Variants in RBM39 observed in about 807,000 individuals in gnomAD.
RBM39 encodes the protein RNA binding motif protein 39, also known as RNA-binding protein 39.
In RBM39, 12 loss-of-function variants were observed where a neutral mutation model predicts 79.6. The ratio of observed to expected loss-of-function variants is 0.15; its 90% CI spans 0.10 to 0.24. RBM39 has a LOEUF of 0.24. Ranked by LOEUF, RBM39 falls within the 10% of genes least tolerant of loss-of-function variation. The probability of loss-of-function intolerance (pLI) is 1.00; values close to 1 mark genes in which losing one functional copy is unlikely to be tolerated. For missense variants in RBM39, 243 were observed against 653.4 expected, an observed-to-expected ratio of 0.37 and a Z score of 6.85; for synonymous variants, 185 against 208.4, an observed-to-expected ratio of 0.89 and a Z score of 0.97.
chr20:35,709,478 C>CT (rs1218766582), intron 12 of RBM39, among the ~76,000 whole-genome samples: 26 of 152,142 alleles, frequency 1.7e-4, no homozygotes, highest in Admixed American at 1.7e-3. Context: ...ACTTTTCCCT[C>CT]TCTCTTCCTA....
chr20:35,721,681 T>C, intron 9 of RBM39, 59 bp downstream of exon 9: 2 of 1,544,164 alleles, frequency 1.3e-6, no homozygotes, highest in Non-Finnish European at 1.8e-6. Context: ...ATACAGAAAT[T>C]ATGTAGTTAT....
In RBM39 at chr20:35,702,792, G is replaced by GCGCAC. The variant is rs2035345914; in HGVS notation, c.*1684_*1688dup. ...ACAAAAATTAGCTGGGCACGGTGGT[G>GCGCAC]CGCACCTGTCCCAGCTCTTCAGGAG... On this transcript the variant is annotated 3_prime_UTR_variant, in exon 17 of 17. Coordinates refer to ENST00000253363, the MANE Select transcript of RBM39 (RefSeq NM_184234.3). The GCGCAC allele has an allele frequency of 6.6e-6, 1 of 152,148 alleles. No homozygotes were observed. The highest frequency in any genetic ancestry group is 2.1e-4 in the South Asian group (1 of 4,824). 9.4% of individuals were successfully genotyped at this position (152,148 alleles called of 1,614,324 possible). A position where few individuals can be genotyped will look rare whatever the true frequency, so the allele number is the denominator to read the frequency against.
At chr20:35,734,940 C>T in intron 3 of RBM39, 2 of 1,593,296 alleles carry the variant, frequency 1.3e-6, no homozygotes, top group Non-Finnish European at 1.7e-6. Flanking sequence ...AAATTTTGTA[C>T]TGAACATCAC....
chr20:35,721,690 A>G, intron 9 of RBM39, 50 bp downstream of exon 9: 1 of 1,589,596 alleles, frequency 6.3e-7, no homozygotes, highest in South Asian at 1.1e-5. Context: ...TTATGTAGTT[A>G]TACTCAGATC....
chr20:35,740,914 G>C, intron 1 of RBM39, 27 bp from the exon 2 acceptor site: 1 of 1,524,572 alleles, frequency 6.6e-7, no homozygotes, highest in Non-Finnish European at 9.0e-7. Context: ...ACAATTTCTT[G>C]AGTAAACATT....
chr20:35,728,844 A>G (rs1448261911), intron 6 of RBM39, among the ~76,000 whole-genome samples: 6 of 152,054 alleles, frequency 3.9e-5, no homozygotes, highest in African/African-American at 1.4e-4. Context: ...TTGAGAGGCC[A>G]AGGTGGGTGG....
At chr20:35,732,328 C>G (rs550704954) in intron 3 of RBM39, 193 bp from the exon 4 acceptor site, 43 of 595,300 alleles carry the variant, frequency 7.2e-5, no homozygotes, top group African/African-American at 6.9e-4. Flanking sequence ...TAGGCCGAGG[C>G]AGGCAGATCA....
intron 3 of RBM39, among the ~76,000 whole-genome samples, chr20:35,735,830 T>C (rs973722020): frequency 1.1e-4 from 16 of 152,228 alleles, no homozygotes; most frequent in South Asian, 2.1e-4. Flanking sequence ...GACAATCTCA[T>C]GGTTAAAGAA....
chr20:35,739,980 A>G (rs986186448), intron 2 of RBM39: 2 of 157,374 alleles, frequency 1.3e-5, no homozygotes, highest in African/African-American at 4.8e-5. Context: ...CCAACTGGTG[A>G]AACAATGAAA....
intron 8 of RBM39, among the ~76,000 whole-genome samples, chr20:35,722,370 G>A (rs1250505850): frequency 6.8e-6 from 1 of 148,110 alleles, no homozygotes. Flanking sequence ...TCACACCACT[G>A]CACTCCAGCC....
At chr20:35,716,375 C>T (rs964805936) in intron 10 of RBM39, among the ~76,000 whole-genome samples, 1 of 152,044 alleles carries the variant, frequency 6.6e-6, no homozygotes, top group African/African-American at 2.4e-5. Flanking sequence ...CGCCCGGCCA[C>T]AAAAACTAAT....
At chr20:35,727,944 G>C (rs367774196) in intron 6 of RBM39, among the ~76,000 whole-genome samples, 4 of 151,754 alleles carry the variant, frequency 2.6e-5, no homozygotes, top group Admixed American at 1.3e-4. Context: ...CCACCACCAC[G>C]CCTGGCCTAA....
chr20:35,739,223 A>G, intron 2 of RBM39: 1 of 596,928 alleles, frequency 1.7e-6, no homozygotes. Flanking sequence ...TCAAGATACA[A>G]AAATAAAAAA....
intron 1 of RBM39, 70 bp downstream of exon 1, chr20:35,741,871 C>T (rs1420559014): frequency 6.3e-6 from 1 of 158,622 alleles, no homozygotes; most frequent in Non-Finnish European, 1.4e-5. Context: ...TCCAAAAGCG[C>T]CCCTCAGCCC....
intron 10 of RBM39, 72 bp from the exon 11 acceptor site, chr20:35,714,461 T>C: frequency 6.9e-7 from 1 of 1,443,930 alleles, no homozygotes; most frequent in African/African-American, 1.4e-5. Flanking sequence ...CTTAAAAATA[T>C]ATTTATATTT....
rs2035285348 is a variant in RBM39 at position 35,701,588 on chromosome 20, C to T, written c.*2893G>A. The stretch of plus-strand genomic sequence containing the variant: ...GTAACACGGTGACACCCCGTCTCTA[C>T]TAAAAATACAAAAACTTAAGCCGGG... On this transcript the variant is annotated 3_prime_UTR_variant, in exon 17 of 17. Transcript: ENST00000253363. The T allele has an allele frequency of 1.3e-5, 2 of 152,090 alleles. No homozygotes were observed. The highest frequency in any genetic ancestry group is 6.5e-5 in the Admixed American group (1 of 15,272). The allele number at this position is 152,090 out of a possible 1,614,324, so 9.4% of individuals were successfully genotyped here. A position where few individuals can be genotyped will look rare whatever the true frequency, so the allele number is the denominator to read the frequency against.
At chr20:35,740,724 C>CA (rs2040409612) in intron 2 of RBM39, 100 bp downstream of exon 2, 1 of 1,355,558 alleles carries the variant, frequency 7.4e-7, no homozygotes, top group East Asian at 2.3e-5. Context: ...TAAGATAAAT[C>CA]AAGAGGGCTC....
intron 12 of RBM39, 73 bp downstream of exon 12, chr20:35,712,946 A>C (rs1600420297): frequency 2.4e-6 from 3 of 1,239,564 alleles, no homozygotes; most frequent in Non-Finnish European, 3.4e-6. Flanking sequence ...AAGTCCTTTT[A>C]AATGTAAAAA....
chr20:35,709,138 A>T, intron 13 of RBM39, 86 bp downstream of exon 13: 1 of 1,272,424 alleles, frequency 7.9e-7, no homozygotes, highest in Non-Finnish European at 1.1e-6. Flanking sequence ...TGGTATAAAA[A>T]TATGACAATA....
Sources: allele counts gnomAD v4.1 joint callset (sites outside exome capture counted in the v4.1 genomes callset), GRCh38; gene constraint gnomAD v4.1.1; transcripts MANE v1.5; gene names NCBI Gene and HGNC (gene_info 2026-07-23, HGNC 2026-07-21).